Variants in CSMD1 observed in about 807,000 individuals in gnomAD.
CSMD1 encodes the protein CUB and Sushi multiple domains 1, also known as CUB and sushi domain-containing protein 1.
A neutral mutation model predicts 417.5 loss-of-function variants in CSMD1; 213 were observed. The observed-to-expected ratio is 0.51, with a 90% confidence interval of 0.46 to 0.57. CSMD1 has a LOEUF of 0.57. Ranked by LOEUF, CSMD1 falls within the 20% of genes least tolerant of loss-of-function variation. The probability of loss-of-function intolerance (pLI) is 0.00; values close to 1 mark genes in which losing one functional copy is unlikely to be tolerated. For synonymous variants in CSMD1, 2,862 were observed against 1,736.8 expected (o/e 1.65, Z -16.11); for missense variants, 6,923 against 4,529.7 (o/e 1.53, Z -15.17).
chr8:4,602,510 A>G (rs1800644363), intron 2 of CSMD1, among the ~76,000 whole-genome samples: 1 of 152,222 alleles, frequency 6.6e-6, no homozygotes, highest in East Asian at 1.9e-4. Flanking sequence ...CGCATACAAT[A>G]AAACCGTAAA....
At chr8:3,190,702 A>C (rs1282682633) in intron 33 of CSMD1, among the ~76,000 whole-genome samples, 1 of 152,246 alleles carries the variant, frequency 6.6e-6, no homozygotes, top group Non-Finnish European at 1.5e-5. Flanking sequence ...TCATTGTAGC[A>C]TTCTTCAAAA....
intron 3 of CSMD1, among the ~76,000 whole-genome samples, chr8:4,032,685 G>C (rs879486299): frequency 8.5e-5 from 13 of 152,134 alleles, no homozygotes; most frequent in Non-Finnish European, 1.8e-4. Flanking sequence ...TGTATTCCAG[G>C]CCAGCAGCCA....
At chr8:3,175,695 G>GT (rs1466667834) in intron 37 of CSMD1, among the ~76,000 whole-genome samples, 1 of 106,680 alleles carries the variant, frequency 9.4e-6, no homozygotes, top group Non-Finnish European at 1.8e-5. Flanking sequence ...AGCTTCAGAC[G>GT]TGGGAACATG....
chr8:4,881,312 T>C (rs1415204992), intron 1 of CSMD1, among the ~76,000 whole-genome samples: 1 of 152,084 alleles, frequency 6.6e-6, no homozygotes, highest in Non-Finnish European at 1.5e-5. Flanking sequence ...ACAATGCATT[T>C]TTTTATTTGA....
At chr8:3,947,891 T>C (rs2129837881) in intron 5 of CSMD1, among the ~76,000 whole-genome samples, 1 of 152,196 alleles carries the variant, frequency 6.6e-6, no homozygotes, top group South Asian at 2.1e-4. Flanking sequence ...CCTGTTCTAT[T>C]AGTTAAAAGT....
intron 3 of CSMD1, among the ~76,000 whole-genome samples, chr8:4,279,986 A>G (rs182341344): frequency 1.3e-5 from 2 of 152,338 alleles, no homozygotes; most frequent in Non-Finnish European, 2.9e-5. Flanking sequence ...TGGTGTTTCA[A>G]ACAGAAACAC....
intron 2 of CSMD1, among the ~76,000 whole-genome samples, chr8:4,565,796 A>ATG (rs1184109178): frequency 3.0e-5 from 2 of 67,124 alleles, no homozygotes; most frequent in South Asian, 9.4e-4. Flanking sequence ...ATATATATAT[A>ATG]TGTATACATA....
chr8:3,608,553 G>A (rs1389996206), intron 8 of CSMD1, among the ~76,000 whole-genome samples: 1 of 152,060 alleles, frequency 6.6e-6, no homozygotes, highest in Admixed American at 6.6e-5. Context: ...CACGAGGTCA[G>A]GAGTTTGAGA....
chr8:4,775,714 G>T (rs539720726), intron 1 of CSMD1, among the ~76,000 whole-genome samples: 1 of 152,304 alleles, frequency 6.6e-6, no homozygotes, highest in African/African-American at 2.4e-5. Flanking sequence ...CATGGCCCAC[G>T]TGGGGATGGG....
At chr8:4,555,731 G>A (rs528356951) in intron 2 of CSMD1, among the ~76,000 whole-genome samples, 2 of 152,100 alleles carry the variant, frequency 1.3e-5, no homozygotes, top group East Asian at 1.9e-4. Context: ...ACCCTTTCAG[G>A]GAAACCATAA....
intron 3 of CSMD1, among the ~76,000 whole-genome samples, chr8:4,136,292 C>G (rs1057197615): frequency 3.3e-5 from 5 of 152,288 alleles, no homozygotes; most frequent in African/African-American, 9.6e-5. Context: ...CAGGGACCAT[C>G]TTTTTTTAGC....
chr8:3,459,174 G>T (rs1472166542), intron 12 of CSMD1, among the ~76,000 whole-genome samples: 1 of 152,214 alleles, frequency 6.6e-6, no homozygotes, highest in Non-Finnish European at 1.5e-5. Context: ...CTGGAAGAGG[G>T]GCAGAAATTC....
intron 3 of CSMD1, among the ~76,000 whole-genome samples, chr8:4,304,907 G>A (rs912440698): frequency 6.6e-6 from 1 of 152,008 alleles, no homozygotes; most frequent in Admixed American, 6.6e-5. Context: ...ATATATTAAG[G>A]TGTAACGATG....
At chr8:3,013,088 CT>C (rs1808525353) in intron 52 of CSMD1, among the ~76,000 whole-genome samples, 1 of 152,156 alleles carries the variant, frequency 6.6e-6, no homozygotes, top group Non-Finnish European at 1.5e-5. Flanking sequence ...CATTAAACTC[CT>C]TTCCTTTATA....
chr8:3,239,653 A>C (rs1446899632), intron 26 of CSMD1, among the ~76,000 whole-genome samples: 1 of 152,216 alleles, frequency 6.6e-6, no homozygotes, highest in Non-Finnish European at 1.5e-5. Context: ...GATTTCTATG[A>C]TGGAAAGGAA....
At chr8:4,132,121 T>C (rs915282476) in intron 3 of CSMD1, among the ~76,000 whole-genome samples, 4 of 151,964 alleles carry the variant, frequency 2.6e-5, no homozygotes, top group Non-Finnish European at 4.4e-5. Flanking sequence ...AAAGTCTGTC[T>C]TGACAGTAAG....
chr8:3,953,267 C>G (rs1027455368), intron 5 of CSMD1, among the ~76,000 whole-genome samples: 2 of 151,894 alleles, frequency 1.3e-5, no homozygotes, highest in African/African-American at 2.4e-5. Flanking sequence ...AGTTTTTACC[C>G]TGGATTAAGA....
intron 3 of CSMD1, among the ~76,000 whole-genome samples, chr8:4,237,491 G>C (rs933551134): frequency 2.6e-5 from 4 of 151,912 alleles, no homozygotes; most frequent in Non-Finnish European, 5.9e-5. Context: ...ATGGCTAAAC[G>C]GTCTTCACTC....
chr8:3,874,799 T>C (rs1483183328), intron 5 of CSMD1, among the ~76,000 whole-genome samples: 5 of 152,058 alleles, frequency 3.3e-5, no homozygotes, highest in African/African-American at 1.2e-4. Context: ...ATGCAGACAT[T>C]AAATAGGACA....
Sources: gnomAD v4.1 joint callset for allele counts (sites outside exome capture counted in the v4.1 genomes callset) on GRCh38, gnomAD v4.1.1 for gene constraint, MANE v1.5 for transcripts, NCBI Gene and HGNC (gene_info 2026-07-23, HGNC 2026-07-21) for gene names.